The following MTR variants were observed in gnomAD, a reference collection of about 807,000 sequenced individuals.
MTR encodes methionine synthase.
MTR carries 84 observed loss-of-function variants against 154.8 expected under a neutral mutation model. The observed-to-expected ratio is 0.54, with a 90% CI of 0.45 to 0.65. MTR has a LOEUF of 0.65. Ranked by LOEUF, MTR falls within the 30% of genes least tolerant of loss-of-function variation. The pLI is 0.00. For missense variants in MTR, 1,275 were observed against 1,570.2 expected (o/e 0.81, Z 3.18); for synonymous variants, 554 against 553.9 (o/e 1.00, Z 0.00).
At position 236,889,347 on chromosome 1, in the gene MTR, T is replaced by C. The variant is rs1666193373; in HGVS notation, c.3007+11T>C. On this transcript the variant is annotated intron_variant, in intron 28 of 32. Transcript: ENST00000366577. Reference sequence around the variant, plus strand: ...ACGACAAAACAGTAGGTTAGTGCAGTAAGTCCTTCCTTTCTGCCTCTGATA... The same window carrying C: ...ACGACAAAACAGTAGGTTAGTGCAGCAAGTCCTTCCTTTCTGCCTCTGATA... 1.2e-6 allele frequency: 2 copies of C among 1,614,106 alleles called. No homozygotes were observed. Among genetic ancestry groups the C allele is most frequent in the South Asian group, 2.2e-5 (2 of 91,078 alleles).
chr1:236,899,748 A>G lies in MTR; in HGVS notation c.*2104A>G, dbSNP rs1666839206. ...AATACAAATAACTGATGAAGGATTC[A>G]TAATCACAAATATAGAGAATTCCTA... is the stretch of plus-strand genomic sequence containing the variant. On this transcript the variant is annotated 3_prime_UTR_variant, in exon 33 of 33. Transcript: ENST00000366577. 1.3e-5 allele frequency: 2 copies of G among 152,300 alleles called. No individual in the cohort carries two copies. The highest frequency in any genetic ancestry group is 1.3e-4 in the Admixed American group (2 of 15,304). The allele number at this position is 152,300 out of a possible 1,614,324, so 9.4% of individuals were successfully genotyped here. A position where few individuals can be genotyped will look rare whatever the true frequency, so the allele number is the denominator to read the frequency against.
chr1:236,841,893 CTT>C (rs1178746827), intron 15 of MTR, among the ~76,000 whole-genome samples: 18 of 139,848 alleles, frequency 1.3e-4, no homozygotes, highest in Admixed American at 2.2e-4. Context: ...TATTCTAACT[CTT>C]TTTTTTTTTT....
chr1:236,866,896 G>A (rs1430698787), intron 22 of MTR, among the ~76,000 whole-genome samples: 1 of 152,186 alleles, frequency 6.6e-6, no homozygotes, highest in Non-Finnish European at 1.5e-5. Context: ...GGCTGAGAGA[G>A]GTGAAGAAGC....
chr1:236,882,078 A>AT (rs1407552635), intron 25 of MTR, among the ~76,000 whole-genome samples: 3 of 152,212 alleles, frequency 2.0e-5, no homozygotes, highest in Admixed American at 6.5e-5. Context: ...TAAAATTGCA[A>AT]TTTTTTATTT....
rs1046008936 is a variant in MTR, at chr1:236,853,362, A to T, written c.1953+274A>T. ...TAATTTTTCTTGTACCAAGTAACAT[A>T]TTAGTTCTAGAAAATTTACAAAATT... On this transcript the variant is annotated intron_variant, in intron 18 of 32. Transcript: ENST00000366577. Among the ~76,000 whole-genome samples, 5 of 152,232 alleles carry T rather than the reference A, an allele frequency of 3.3e-5. No individual in the cohort carries two copies. The East Asian group carries it at 7.7e-4, about 23-fold the overall frequency.
rs948232663 is a variant in MTR, at chr1:236,891,045, G to C, written c.3008-88G>C. 2.0e-5 allele frequency: 29 copies of C among 1,415,294 alleles called. No homozygotes were observed. In the African/African-American group the frequency reaches 3.5e-4, roughly 17 times the overall value. The allele number at this position is 1,415,294 out of a possible 1,614,324, so 87.7% of individuals were successfully genotyped here. ...AGAAGCCTGAAGAGGGAAGGTGACTGAGGAGGGGTAATGGCTTTTAAAAGA... is the reference window on the plus strand; with the variant it reads ...AGAAGCCTGAAGAGGGAAGGTGACTCAGGAGGGGTAATGGCTTTTAAAAGA... On this transcript the variant is annotated intron_variant, in intron 28 of 32. Coordinates refer to ENST00000366577, the MANE Select transcript of MTR (RefSeq NM_000254.3).
chr1:236,820,765 A>G (rs1232962526), intron 8 of MTR, among the ~76,000 whole-genome samples: 1 of 152,160 alleles, frequency 6.6e-6, no homozygotes, highest in African/African-American at 2.4e-5. Context: ...TTGCATTCCT[A>G]CCAGCAGTGA....
intron 8 of MTR, among the ~76,000 whole-genome samples, chr1:236,822,853 G>A (rs577292859): frequency 1.2e-4 from 18 of 152,220 alleles, no homozygotes; most frequent in East Asian, 3.9e-4. Context: ...ATTGCATAGG[G>A]ACTTCAAATA....
intron 8 of MTR, among the ~76,000 whole-genome samples, chr1:236,822,344 G>T (rs1165638002): frequency 7.2e-6 from 1 of 138,368 alleles, no homozygotes; most frequent in African/African-American, 2.7e-5. Flanking sequence ...GCATCTTGCT[G>T]TGTCACTCAG....
intron 19 of MTR, 60 bp from the exon 20 acceptor site, chr1:236,861,065 T>G (rs1664506334): frequency 2.8e-6 from 4 of 1,449,598 alleles, no homozygotes; most frequent in Non-Finnish European, 3.7e-6. Context: ...AGGCAGTTTT[T>G]TAGGTGATTT....
chr1:236,831,995 A>G lies in MTR; in HGVS notation c.1105A>G (p.Thr369Ala). 1 of 1,614,158 alleles carries G rather than the reference A, an allele frequency of 6.2e-7. No individual in the cohort carries two copies. Among genetic ancestry groups the G allele is most frequent in the Non-Finnish European group, 8.5e-7 (1 of 1,179,984 alleles). The change falls in exon 13 of 33, where the codon ACC (threonine) becomes GCC (alanine). Residue 369 changes from threonine to alanine, a missense_variant. Physicochemically the swap from Thr to Ala is moderately conservative, Grantham distance 58. Transcript: ENST00000366577. ...AGAGCCCTTCAGGATTGGACCGTAC[A>G]CCAACTTTGTTAACATTGGAGAGCG... ...GLEPFRIGPY[T>A]NFVNIGERCN... is the part of the protein sequence containing the mutation.
At chr1:236,839,440 T>C (rs1327535405) in intron 15 of MTR, among the ~76,000 whole-genome samples, 1 of 152,098 alleles carries the variant, frequency 6.6e-6, no homozygotes, top group African/African-American at 2.4e-5. Context: ...TTTGTAAACA[T>C]TAAAGAAATA....
chr1:236,838,104 G>T (rs1399926273), intron 14 of MTR, among the ~76,000 whole-genome samples: 1 of 152,086 alleles, frequency 6.6e-6, no homozygotes, highest in South Asian at 2.1e-4. Context: ...TGTTTGCCTC[G>T]GGGCTTAGGC....
chr1:236,795,805 C>T, intron 1 of MTR, 68 bp downstream of exon 1: 5 of 1,610,418 alleles, frequency 3.1e-6, no homozygotes, highest in African/African-American at 1.3e-5. Context: ...CTCCTAATCC[C>T]TGGGGCGATT....
At position 236,835,625 on chromosome 1, in the gene MTR, G is replaced by C. The variant is rs139054026; in HGVS notation, c.1267G>C (p.Asp423His). The C allele has an allele frequency of 6.2e-7, 1 of 1,610,792 alleles. No individual in the cohort carries two copies. Among genetic ancestry groups the C allele is most frequent in the African/African-American group, 1.4e-5 (1 of 73,616 alleles). The change falls in exon 14 of 33, where the codon GAT (aspartate) becomes CAT (histidine). Residue 423 changes from aspartate (D) to histidine (H), a missense_variant. By Grantham distance (81) the Asp-to-His change is moderately conservative. Transcript: ENST00000366577. The part of the protein sequence containing the change: ...LDVNMDDGML[D>H]GPSAMTRFCN... ...TGTCAACATGGATGATGGCATGCTA[G>C]ATGGTCCAAGTGCAATGACCAGATT...
At chr1:236,849,594 A>G (rs1572260390) in intron 15 of MTR, among the ~76,000 whole-genome samples, 1 of 152,146 alleles carries the variant, frequency 6.6e-6, no homozygotes, top group Non-Finnish European at 1.5e-5. Flanking sequence ...TTTCAAAAAC[A>G]CCAAAGGAGC....
rs1338594037 is a variant in MTR at position 236,872,086 on chromosome 1, A to G, written c.2406-1687A>G. Among the ~76,000 whole-genome samples the G allele has an allele frequency of 3.9e-5, 6 of 152,340 alleles. No individual in the cohort carries two copies. The East Asian group carries it at 9.6e-4, about 24-fold the overall frequency. ...AAAAATGCATGCTGTAAGTTTTTCA[A>G]CATCTTTTAACAAATAGAAGAAGGT... On this transcript the variant is annotated intron_variant, in intron 22 of 32. Transcript: ENST00000366577.
At chr1:236,820,658 T>C in intron 8 of MTR, 2 of 511,338 alleles carry the variant, frequency 3.9e-6, no homozygotes, top group Non-Finnish European at 7.0e-6. Flanking sequence ...TTTAATTCAT[T>C]TGGGTAAATA....
chr1:236,866,637 G>T (rs1392527969), intron 22 of MTR, among the ~76,000 whole-genome samples: 3 of 152,176 alleles, frequency 2.0e-5, no homozygotes, highest in Non-Finnish European at 4.4e-5. Context: ...TAGGCTTCTT[G>T]CACCAAATAG....
Sources: gnomAD v4.1 joint callset for allele counts (sites outside exome capture counted in the v4.1 genomes callset) on GRCh38, gnomAD v4.1.1 for gene constraint, MANE v1.5 for transcripts, NCBI Gene and HGNC (gene_info 2026-07-23, HGNC 2026-07-21) for gene names.